ABCE1: variants seen among roughly 807,000 people sequenced by gnomAD.
ABCE1 encodes the protein ATP-binding cassette sub-family E member 1.
A neutral mutation model predicts 83.4 loss-of-function variants in ABCE1; 22 were observed. The ratio of observed to expected loss-of-function variants is 0.26; its 90% CI spans 0.19 to 0.38. The LOEUF (loss-of-function observed/expected upper bound fraction) is 0.38, where lower values mean the gene tolerates loss of function less well. Ranked by LOEUF, ABCE1 falls within the 10% of genes least tolerant of loss-of-function variation. ABCE1 has a pLI of 1.00. For missense variants in ABCE1, 330 were observed against 721.9 expected (o/e 0.46, Z 6.22); for synonymous variants, 204 against 233.7 (o/e 0.87, Z 1.16).
At chr4:145,108,457 T>C (rs1441385232) in intron 4 of ABCE1, among the ~76,000 whole-genome samples, 1 of 152,146 alleles carries the variant, frequency 6.6e-6, no homozygotes, top group South Asian at 2.1e-4. Context: ...ATCCCCAAAA[T>C]AACTTTTAAG....
chr4:145,106,700 A>G (rs1345699945), intron 3 of ABCE1, among the ~76,000 whole-genome samples: 1 of 152,082 alleles, frequency 6.6e-6, no homozygotes, highest in Non-Finnish European at 1.5e-5. Context: ...TGAACAGTGG[A>G]TATTTTTTTC....
chr4:145,115,977 G>GT (rs1749598632), intron 9 of ABCE1, among the ~76,000 whole-genome samples: 1 of 151,920 alleles, frequency 6.6e-6, no homozygotes, highest in South Asian at 2.1e-4. Context: ...CCAAATACTT[G>GT]TTACCAGTAT....
intron 12 of ABCE1, 38 bp from the exon 13 acceptor site, chr4:145,121,295 G>A: frequency 6.2e-7 from 1 of 1,611,632 alleles, no homozygotes. Flanking sequence ...AAAGATCTGG[G>A]CAGTTTTTAG....
At chr4:145,112,115 T>C (rs2126705959) in intron 8 of ABCE1, 124 bp from the exon 9 acceptor site, 2 of 633,082 alleles carry the variant, frequency 3.2e-6, no homozygotes, top group South Asian at 4.9e-5. Flanking sequence ...TCTTCATTAC[T>C]ATTGGAGATT....
Position 145,123,483 on chromosome 4 carries a change from T to C in ABCE1, c.1523T>C (p.Ile508Thr). ...LMAARVVKRFILHAKKTAFVV... is the reference protein window; with the variant it reads ...LMAARVVKRFTLHAKKTAFVV... ...TCAAAATCATTGTGTTTTAGTTTCA[T>C]ACTCCATGCAAAAAAGACAGCCTTT... The change falls in exon 16 of 18, where the codon ATA becomes ACA. Residue 508 changes from isoleucine to threonine, a missense_variant. Physicochemically the swap from Ile to Thr is moderately conservative, Grantham distance 89. Transcript: ENST00000296577. 1 of 1,602,276 alleles carries C rather than the reference T, an allele frequency of 6.2e-7. No homozygotes were observed. Among genetic ancestry groups the C allele is most frequent in the Non-Finnish European group, 8.5e-7 (1 of 1,170,166 alleles).
At chr4:145,111,583 T>G (rs1749477391) in intron 8 of ABCE1, among the ~76,000 whole-genome samples, 1 of 152,172 alleles carries the variant, frequency 6.6e-6, no homozygotes. Flanking sequence ...CACCTCGGCC[T>G]CCCAAAGTGC....
intron 6 of ABCE1, 36 bp downstream of exon 6, chr4:145,110,276 G>T (rs898458248): frequency 1.3e-6 from 2 of 1,598,542 alleles, no homozygotes; most frequent in African/African-American, 2.7e-5. Context: ...ACGGATATTA[G>T]TAGAAGTATA....
At chr4:145,123,391 T>A in intron 15 of ABCE1, 34 bp downstream of exon 15, 1 of 1,596,790 alleles carries the variant, frequency 6.3e-7, no homozygotes, top group Non-Finnish European at 8.6e-7. Context: ...ATTTTGATTA[T>A]GTATACTGTC....
At chr4:145,114,574 A>G (rs1311436124) in intron 9 of ABCE1, among the ~76,000 whole-genome samples, 1 of 152,086 alleles carries the variant, frequency 6.6e-6, no homozygotes, top group Non-Finnish European at 1.5e-5. Context: ...ATATTGACTT[A>G]TAACGAATAA....
chr4:145,127,666 C>G lies in ABCE1; in HGVS notation c.*93C>G, dbSNP rs34305988. On this transcript the variant is annotated 3_prime_UTR_variant, in exon 18 of 18. Transcript: ENST00000296577. ...AAACTTGAATCAGGATTTTATGCCCCACATACTCTGGAACTTGAAGTATAA... is the reference window on the plus strand; with the variant it reads ...AAACTTGAATCAGGATTTTATGCCCGACATACTCTGGAACTTGAAGTATAA... 42 of 940,208 alleles carry G rather than the reference C, an allele frequency of 4.5e-5. No individual in the cohort carries two copies. The African/African-American group carries it at 6.7e-4, about 15-fold the overall frequency. The allele number at this position is 940,208 out of a possible 1,614,324, so 58.2% of individuals were successfully genotyped here. A position where few individuals can be genotyped will look rare whatever the true frequency, so the allele number is the denominator to read the frequency against.
intron 11 of ABCE1, 146 bp downstream of exon 11, chr4:145,120,299 CA>C (rs1298348596): frequency 8.7e-6 from 6 of 687,010 alleles, no homozygotes; most frequent in Non-Finnish European, 1.4e-5. Context: ...AGTGTACTTT[CA>C]CATTTTTTTG....
chr4:145,122,428 T>C (rs1014602784), intron 13 of ABCE1: 20 of 152,262 alleles, frequency 1.3e-4, no homozygotes, highest in African/African-American at 4.8e-4. Flanking sequence ...TTGGAATTTC[T>C]ACTCTTAAAT....
In ABCE1 at chr4:145,123,387, A is replaced by C. The variant is rs79778228; in HGVS notation, c.1517+30A>C. Reference sequence around the variant, plus strand: ...ATATCTTGCTCCTAGCCATATTTTGATTATGTATACTGTCCTACAAGTGTG... The same window carrying C: ...ATATCTTGCTCCTAGCCATATTTTGCTTATGTATACTGTCCTACAAGTGTG... On this transcript the variant is annotated intron_variant, in intron 15 of 17. Transcript: ENST00000296577. 3.8e-4 allele frequency: 601 copies of C among 1,596,336 alleles called. 10 individuals are homozygous for C. In the East Asian group the frequency reaches 9.1e-3, roughly 24 times the overall value.
rs1430081469 is a variant in ABCE1, at chr4:145,127,470, T to G, written c.1753-56T>G. On this transcript the variant is annotated intron_variant, in intron 17 of 17. Transcript: ENST00000296577. ...GTAATACCATGAGTGAAAGTCTACT[T>G]TTACCTATAGTAGAATCGTGTTGCT... The G allele has an allele frequency of 3.4e-6, 5 of 1,470,826 alleles. No individual in the cohort carries two copies. The Admixed American group carries it at 1.0e-4, about 29-fold the overall frequency. The allele number at this position is 1,470,826 out of a possible 1,614,324, so 91.1% of individuals were successfully genotyped here.
chr4:145,115,676 C>T (rs1480628513), intron 9 of ABCE1, among the ~76,000 whole-genome samples: 1 of 151,780 alleles, frequency 6.6e-6, no homozygotes, highest in Admixed American at 6.6e-5. Context: ...ATCAAACTAG[C>T]AACATTCAAC....
intron 16 of ABCE1, chr4:145,123,806 G>GATAAAAAGCTGTAGGCCACAGC (rs906704955): frequency 2.9e-4 from 109 of 381,872 alleles, no homozygotes; most frequent in Non-Finnish European, 4.6e-4. Context: ...TCACCAGGAA[G>GATAAAAAGCTGTAGGCCACAGC]ATAAAAAGCT....
At chr4:145,120,823 T>TA (rs1304624319) in intron 11 of ABCE1, among the ~76,000 whole-genome samples, 1 of 152,144 alleles carries the variant, frequency 6.6e-6, no homozygotes, top group East Asian at 1.9e-4. Context: ...ACTTTAAAAT[T>TA]ACAGTTATCT....
rs774597384 is a variant in ABCE1, at chr4:145,105,648, G to T, written c.147G>T (p.Trp49Cys). ...TTACACCCCAGAGCAAAATAGCATG[G>T]ATTTCCGAAACTCTTTGTATTGGTT... ...IEVTPQSKIA[W>C]ISETLCIGCG... The change falls in exon 3 of 18, where the codon TGG becomes TGT. Residue 49 changes from tryptophan (W) to cysteine (C), a missense_variant. Physicochemically the swap from Trp to Cys is radical, Grantham distance 215. Coordinates refer to ENST00000296577, the MANE Select transcript of ABCE1 (RefSeq NM_002940.3). 1 of 1,608,980 alleles carries T rather than the reference G, an allele frequency of 6.2e-7. No individual in the cohort carries two copies. Among genetic ancestry groups the T allele is most frequent in the South Asian group, 1.1e-5 (1 of 90,826 alleles).
At position 145,105,605 on chromosome 4, in the gene ABCE1, GA is replaced by G; in HGVS notation, c.108del (p.Lys36AsnfsTer4). On this transcript the variant is annotated frameshift_variant and splice_region_variant, in exon 3 of 18. Coordinates refer to ENST00000296577, the MANE Select transcript of ABCE1 (RefSeq NM_002940.3). LOFTEE classifies it high-confidence loss of function. Reference protein sequence around the residue: ...CKKSCPVVRMGKLCIEVTPQS... With the variant: ...CKKSCPVVRMXKLCIEVTPQS... ...TTAATTATATCTTTTCCTTTACCAG[GA>G]AAATTATGCATAGAGGTTACACCCC... 1.3e-6 allele frequency: 2 copies of G among 1,583,446 alleles called. No individual in the cohort carries two copies. Among genetic ancestry groups the G allele is most frequent in the Non-Finnish European group, 1.7e-6 (2 of 1,160,572 alleles).
Sources: allele counts gnomAD v4.1 joint callset (sites outside exome capture counted in the v4.1 genomes callset), GRCh38; gene constraint gnomAD v4.1.1; transcripts MANE v1.5; gene names NCBI Gene and HGNC (gene_info 2026-07-23, HGNC 2026-07-21).